The following ANK3 variants were observed in gnomAD, a reference collection of about 807,000 sequenced individuals.
ANK3 encodes the protein ankyrin 3.
Under a neutral mutation model 370.9 loss-of-function variants are expected in ANK3, and 57 were observed. The ratio of observed to expected loss-of-function variants is 0.15; its 90% CI spans 0.12 to 0.19. ANK3 has a LOEUF of 0.19. ANK3 is among the 10% of genes least tolerant of loss of function. The probability of loss-of-function intolerance (pLI) is 1.00; values close to 1 mark genes in which losing one functional copy is unlikely to be tolerated. For synonymous variants in ANK3, 1,929 were observed against 1,946.3 expected (o/e 0.99, Z 0.23); for missense variants, 4,439 against 5,302.1 (o/e 0.84, Z 5.06).
chr10:60,033,233 C>G (rs769619633), intron 43 of ANK3, among the ~76,000 whole-genome samples: 5 of 151,916 alleles, frequency 3.3e-5, no homozygotes, highest in Non-Finnish European at 5.9e-5. Flanking sequence ...CGCACGGTGG[C>G]TCACGTCTGT....
In ANK3 at chr10:60,037,438, CT is replaced by C. The variant is rs150099573; in HGVS notation, c.*19+5233del. 3.8e-3 allele frequency among the ~76,000 whole-genome samples: 572 copies of C among 152,228 alleles called. 3 individuals are homozygous for C. The highest frequency in any genetic ancestry group is 0.013 in the African/African-American group (541 of 41,522). On this transcript the variant is annotated intron_variant, in intron 43 of 43. Transcript: ENST00000280772. Reference sequence around the variant, plus strand: ...TAGTACCCAATAGTTACTTTTTCCTCTCCTCTCCCCTCTCACCCTCAAGTAG... The same window carrying C: ...TAGTACCCAATAGTTACTTTTTCCTCCCTCTCCCCTCTCACCCTCAAGTAG...
intron 7 of ANK3, among the ~76,000 whole-genome samples, chr10:60,254,270 G>T (rs2097706357): frequency 6.7e-6 from 1 of 149,960 alleles, no homozygotes; most frequent in Non-Finnish European, 1.5e-5. Flanking sequence ...ATCCATGGTT[G>T]GTTAAAACCA....
intron 2 of ANK3, among the ~76,000 whole-genome samples, chr10:60,578,052 T>C (rs571870530): frequency 1.1e-4 from 16 of 152,334 alleles, no homozygotes; most frequent in African/African-American, 3.4e-4. Flanking sequence ...AGCAATACTC[T>C]TTGTGACAGT....
intron 4 of ANK3, among the ~76,000 whole-genome samples, chr10:60,273,531 C>T (rs769669129): frequency 1.1e-4 from 17 of 152,150 alleles, no homozygotes; most frequent in African/African-American, 4.1e-4. Context: ...CACTAATGCA[C>T]TTTCTCTCTC....
chr10:60,397,396 A>G (rs965253844), intron 2 of ANK3, among the ~76,000 whole-genome samples: 2 of 152,188 alleles, frequency 1.3e-5, no homozygotes, highest in African/African-American at 4.8e-5. Context: ...AAAGGGCTAC[A>G]TGTAGAGTTT....
intron 1 of ANK3, among the ~76,000 whole-genome samples, chr10:60,650,477 T>C (rs1564488689): frequency 6.6e-6 from 1 of 152,026 alleles, no homozygotes; most frequent in Non-Finnish European, 1.5e-5. Context: ...TGACATCAAG[T>C]GCTGAATCAG....
intron 2 of ANK3, chr10:60,615,037 A>T (rs1253403815): frequency 3.7e-6 from 2 of 536,746 alleles, no homozygotes; most frequent in Non-Finnish European, 6.0e-6. Flanking sequence ...TCTCTAGTTA[A>T]ATAAAAATAA....
At chr10:60,684,365 C>T (rs2079239434) in intron 1 of ANK3, 1 of 479,934 alleles carries the variant, frequency 2.1e-6, no homozygotes, top group Admixed American at 3.7e-5. Flanking sequence ...CAGCACACCT[C>T]CCCAGCGGCT....
intron 23 of ANK3, among the ~76,000 whole-genome samples, chr10:60,162,306 G>T (rs568226343): frequency 6.6e-6 from 1 of 152,212 alleles, no homozygotes; most frequent in African/African-American, 2.4e-5. Context: ...TAGACTTTGG[G>T]GGCAGGGGAA....
chr10:60,243,844 A>C (rs1045328729), intron 7 of ANK3, among the ~76,000 whole-genome samples: 2 of 152,170 alleles, frequency 1.3e-5, no homozygotes, highest in African/African-American at 4.8e-5. Flanking sequence ...GGATCTTATG[A>C]GGGATGCAAA....
rs141713197 is a variant in ANK3, at chr10:60,042,716, T to A, written c.13109A>T (p.His4370Leu). The change falls in exon 43 of 44, where the codon CAT becomes CTT. Residue 4370 changes from histidine (H) to leucine (L), a missense_variant. Coordinates refer to ENST00000280772, the MANE Select transcript of ANK3 (RefSeq NM_020987.5). ...FKVKTKKEIR[H>L]VEKKSHS Reference sequence around the variant, plus strand: ...TTACGAGTGGCTCTTCTTTTCCACATGCCGGATTTCTTTCTTCGTTTTCAC... The same window carrying A: ...TTACGAGTGGCTCTTCTTTTCCACAAGCCGGATTTCTTTCTTCGTTTTCAC... The A allele has an allele frequency of 9.3e-5, 150 of 1,614,020 alleles. 1 individual carries two copies. The highest frequency in any genetic ancestry group is 1.1e-4 in the Non-Finnish European group (128 of 1,179,996).
At chr10:60,572,626 C>A in intron 2 of ANK3, 2 of 1,486,814 alleles carry the variant, frequency 1.3e-6, no homozygotes, top group South Asian at 1.3e-5. Context: ...GACCAAAGTC[C>A]ATTTACGGGT....
At chr10:60,083,641 A>G (rs2085853174) in intron 32 of ANK3, 24 bp from the exon 33 acceptor site, 1 of 1,536,064 alleles carries the variant, frequency 6.5e-7, no homozygotes, top group Non-Finnish European at 8.8e-7. Context: ...AGAAATAAAC[A>G]ATTTAATGTT....
intron 2 of ANK3, among the ~76,000 whole-genome samples, chr10:60,606,215 T>G (rs1248701631): frequency 6.6e-6 from 1 of 152,138 alleles, no homozygotes; most frequent in Non-Finnish European, 1.5e-5. Context: ...TCTTAGTTTT[T>G]CGATGCTGAA....
At chr10:60,594,344 G>A (rs2077958138) in intron 2 of ANK3, among the ~76,000 whole-genome samples, 1 of 152,042 alleles carries the variant, frequency 6.6e-6, no homozygotes, top group African/African-American at 2.4e-5. Flanking sequence ...CATCATACTA[G>A]GCAACAGTTA....
Position 60,082,677 on chromosome 10 carries a change from T to C in ANK3, c.4261A>G (p.Thr1421Ala). The C allele has an allele frequency of 6.2e-7, 1 of 1,614,148 alleles. No homozygotes were observed. The highest frequency in any genetic ancestry group is 8.5e-7 in the Non-Finnish European group (1 of 1,179,972). The change falls in exon 34 of 44, where the codon ACA (threonine) becomes GCA (alanine). Residue 1421 changes from threonine to alanine, a missense_variant. Transcript: ENST00000280772. ...ACCGCTGTTTGAGGCAGTCCTTTTG[T>C]TGTCTTTGGTTCTTTCAGAAAAGAC... ...RLSFLKEPKT[T>A]KGLPQTAVCN...
chr10:60,433,645 C>T (rs775773738), intron 2 of ANK3, among the ~76,000 whole-genome samples: 1 of 151,938 alleles, frequency 6.6e-6, no homozygotes. Context: ...GTTTAAGTTG[C>T]CTAGGGATGA....
At chr10:60,099,477 A>C (rs990951400) in intron 28 of ANK3, among the ~76,000 whole-genome samples, 9 of 152,144 alleles carry the variant, frequency 5.9e-5, no homozygotes, top group African/African-American at 1.7e-4. Flanking sequence ...GTTTGATCTG[A>C]GTCTGGGGAT....
At chr10:60,326,996 G>T (rs1566605692) in intron 1 of ANK3, among the ~76,000 whole-genome samples, 1 of 147,748 alleles carries the variant, frequency 6.8e-6, no homozygotes, top group Non-Finnish European at 1.5e-5. Flanking sequence ...CTCCAGCCTG[G>T]GCGACCGAGA....
Sources: allele counts gnomAD v4.1 joint callset (sites outside exome capture counted in the v4.1 genomes callset), GRCh38; gene constraint gnomAD v4.1.1; transcripts MANE v1.5; gene names NCBI Gene and HGNC (gene_info 2026-07-23, HGNC 2026-07-21).